BLNK: variants seen among roughly 807,000 people sequenced by gnomAD.
BLNK encodes the protein B-cell linker protein.
Under a neutral mutation model 73.5 loss-of-function variants are expected in BLNK, and 29 were observed. That is an observed-to-expected ratio of 0.39 (90% CI 0.29 to 0.54). The LOEUF (loss-of-function observed/expected upper bound fraction) is 0.54. BLNK is among the 20% of genes least tolerant of loss of function. The pLI, the probability that BLNK is intolerant of heterozygous loss-of-function variation, is 0.61. For missense variants in BLNK, 460 were observed against 562.8 expected (o/e 0.82, Z 1.85); for synonymous variants, 176 against 200.8 (o/e 0.88, Z 1.04).
chr10:96,246,856 G>A, intron 2 of BLNK, 128 bp downstream of exon 2: 1 of 666,698 alleles, frequency 1.5e-6, no homozygotes, highest in Non-Finnish European at 2.5e-6. Context: ...CCAGCCAATA[G>A]TAAAGAAGGG....
intron 13 of BLNK, among the ~76,000 whole-genome samples, chr10:96,202,963 G>A (rs782563115): frequency 2.0e-5 from 3 of 152,120 alleles, no homozygotes; most frequent in East Asian, 1.9e-4. Flanking sequence ...CCCTGCCTCC[G>A]TTACTCTCTG....
chr10:96,214,459 G>A (rs1281077312), intron 8 of BLNK, among the ~76,000 whole-genome samples: 1 of 152,170 alleles, frequency 6.6e-6, no homozygotes, highest in Non-Finnish European at 1.5e-5. Flanking sequence ...CCAAGAGGCA[G>A]GGGTATGGCT....
chr10:96,196,738 G>T (rs587731141), intron 16 of BLNK, among the ~76,000 whole-genome samples, 170 bp downstream of exon 16: 155 of 152,240 alleles, frequency 1.0e-3, no homozygotes, highest in Non-Finnish European at 1.9e-3. Context: ...GTTCTTATAG[G>T]ATATACTGCC....
chr10:96,204,017 G>C (rs963592131), intron 13 of BLNK, 40 bp downstream of exon 13: 2 of 1,578,854 alleles, frequency 1.3e-6, no homozygotes, highest in African/African-American at 1.3e-5. Flanking sequence ...ATCCAGCCTC[G>C]ACCACTCCCT....
rs538338328 is a variant in BLNK, at chr10:96,261,851, G to A, written c.47+9501C>T. On this transcript the variant is annotated intron_variant, in intron 1 of 16. Transcript: ENST00000224337. ...GTAGGGACATTAATACACTTTTTATGCTTAAAAAATTATTTTTCATAATGA... is the reference window on the plus strand; with the variant it reads ...GTAGGGACATTAATACACTTTTTATACTTAAAAAATTATTTTTCATAATGA... Among the ~76,000 whole-genome samples the A allele has an allele frequency of 4.4e-4, 67 of 152,110 alleles. 1 individual carries two copies. The highest frequency in any genetic ancestry group is 1.5e-3 in the African/African-American group (64 of 41,446).
chr10:96,209,182 A>T (rs1484355850), intron 9 of BLNK, among the ~76,000 whole-genome samples: 1 of 152,124 alleles, frequency 6.6e-6, no homozygotes, highest in Non-Finnish European at 1.5e-5. Context: ...TATGACCAGC[A>T]CATAGTATAT....
At chr10:96,254,499 G>GTT (rs113008211) in intron 1 of BLNK, among the ~76,000 whole-genome samples, 1 of 146,358 alleles carries the variant, frequency 6.8e-6, no homozygotes, top group African/African-American at 2.6e-5. Context: ...TCTTCAATGA[G>GTT]TTTTTTTTTT....
intron 15 of BLNK, 128 bp from the exon 16 acceptor site, chr10:96,197,191 T>G (rs956922601): frequency 1.2e-5 from 8 of 672,988 alleles, no homozygotes; most frequent in African/African-American, 1.8e-5. Context: ...TACATTATTT[T>G]TATTATTGAT....
rs111556528 is a variant in BLNK, at chr10:96,204,869, A to G, written c.818-253T>C. ...CTGCATTCATCCACTGGCAATGTAC[A>G]TAGAGACTGAACCCACGGGCCCTGA... On this transcript the variant is annotated intron_variant, in intron 11 of 16. Coordinates refer to ENST00000224337, the MANE Select transcript of BLNK (RefSeq NM_013314.4). The G allele has an allele frequency of 2.5e-3, 1,112 of 445,776 alleles. 10 individuals carry two copies. Among genetic ancestry groups the G allele is most frequent in the African/African-American group, 0.02 (976 of 49,852 alleles). 27.6% of individuals were successfully genotyped at this position (445,776 alleles called of 1,614,324 possible). A position where few individuals can be genotyped will look rare whatever the true frequency, so the allele number is the denominator to read the frequency against.
chr10:96,210,991 G>A (rs2083935393), intron 8 of BLNK, among the ~76,000 whole-genome samples: 2 of 150,270 alleles, frequency 1.3e-5, no homozygotes, highest in South Asian at 2.1e-4. Flanking sequence ...CCACTAAGTA[G>A]CTCCTGAGTA....
rs150495829 is a variant in BLNK, at chr10:96,189,698, AATCATCATCATC to A, written c.*2263_*2274del. ...TTTTCTTCAGTTTCCTCATCATCAA[AATCATCATCATC>A]ATCATCATCATCATCATCATCATCT... On this transcript the variant is annotated 3_prime_UTR_variant, in exon 17 of 17. Transcript: ENST00000224337. 92 of 655,558 alleles carry A rather than the reference AATCATCATCATC, an allele frequency of 1.4e-4. 2 individuals carry two copies. The highest frequency in any genetic ancestry group is 1.0e-3 in the South Asian group (69 of 68,036). The allele number at this position is 655,558 out of a possible 1,614,324, so 40.6% of individuals were successfully genotyped here.
intron 1 of BLNK, among the ~76,000 whole-genome samples, chr10:96,263,690 C>T (rs1432544835): frequency 6.6e-6 from 1 of 152,100 alleles, no homozygotes; most frequent in Non-Finnish European, 1.5e-5. Context: ...GGGGAGGGCT[C>T]TTTTCTTTTT....
chr10:96,196,187 C>T (rs2083460427), intron 16 of BLNK, among the ~76,000 whole-genome samples: 1 of 152,154 alleles, frequency 6.6e-6, no homozygotes, highest in South Asian at 2.1e-4. Context: ...TCCCATTTTT[C>T]TCCTTCTCCA....
At chr10:96,254,079 G>C (rs1198067965) in intron 1 of BLNK, among the ~76,000 whole-genome samples, 2 of 151,582 alleles carry the variant, frequency 1.3e-5, no homozygotes, top group Non-Finnish European at 2.9e-5. Flanking sequence ...GATTAGGCCA[G>C]GTTTATCCCC....
chr10:96,238,254 C>G (rs1487870288), intron 3 of BLNK, among the ~76,000 whole-genome samples: 2 of 152,228 alleles, frequency 1.3e-5, no homozygotes, highest in African/African-American at 2.4e-5. Context: ...GACTCTTTTA[C>G]TGACCTCCTG....
At position 96,210,026 on chromosome 10, in the gene BLNK, T is replaced by C. The variant is rs1021785870; in HGVS notation, c.677-119A>G. ...TTGCACATACTGTGTTGCTTTCAGT[T>C]AAGCACATATAGGTAGTTATATTGA... On this transcript the variant is annotated intron_variant, in intron 8 of 16. Transcript: ENST00000224337. 2.4e-5 allele frequency: 24 copies of C among 1,019,980 alleles called. No homozygotes were observed. The African/African-American group carries it at 3.3e-4, about 14-fold the overall frequency. The allele number at this position is 1,019,980 out of a possible 1,614,324, so 63.2% of individuals were successfully genotyped here.
At chr10:96,202,179 C>T (rs2083660821) in intron 13 of BLNK, among the ~76,000 whole-genome samples, 1 of 152,080 alleles carries the variant, frequency 6.6e-6, no homozygotes, top group Non-Finnish European at 1.5e-5. Flanking sequence ...TTGGTGGACC[C>T]TTAACATGAC....
chr10:96,189,355 AT>A lies in BLNK; in HGVS notation c.*2617del, dbSNP rs1164224443. On this transcript the variant is annotated 3_prime_UTR_variant, in exon 17 of 17. Coordinates refer to ENST00000224337, the MANE Select transcript of BLNK (RefSeq NM_013314.4). ...AAAATGTTAACAAATTGTTTAAACT[AT>A]TTTCTAAAGAGACTTCCTCCACTGC... 6 of 559,564 alleles carry A rather than the reference AT, an allele frequency of 1.1e-5. 1 individual carries two copies. Among genetic ancestry groups the A allele is most frequent in the African/African-American group, 9.4e-5 (5 of 52,994 alleles). The allele number at this position is 559,564 out of a possible 1,614,324, so 34.7% of individuals were successfully genotyped here. A position where few individuals can be genotyped will look rare whatever the true frequency, so the allele number is the denominator to read the frequency against.
Position 96,247,006 on chromosome 10 carries a change from C to T in BLNK, c.91G>A (p.Gly31Arg). The change falls in exon 2 of 17, where the codon GGA (glycine) becomes AGA (arginine). Residue 31 changes from glycine (G) to arginine (R), a missense_variant. Physicochemically the swap from Gly to Arg is moderately radical, Grantham distance 125 (BLOSUM62 -2). Coordinates refer to ENST00000224337, the MANE Select transcript of BLNK (RefSeq NM_013314.4). ...TACTTTTTGATTTTATTCATTATTCCACCTTCATTGTTTTTAATATCATGG... is the reference window on the plus strand; with the variant it reads ...TACTTTTTGATTTTATTCATTATTCTACCTTCATTGTTTTTAATATCATGG... ...MVHDIKNNEGGIMNKIKKLKV... is the reference protein window; with the variant it reads ...MVHDIKNNEGRIMNKIKKLKV... 6.2e-7 allele frequency: 1 copy of T among 1,606,204 alleles called. No homozygotes were observed. The highest frequency in any genetic ancestry group is 8.5e-7 in the Non-Finnish European group (1 of 1,175,320).
Sources: allele counts gnomAD v4.1 joint callset (sites outside exome capture counted in the v4.1 genomes callset), GRCh38; gene constraint gnomAD v4.1.1; transcripts MANE v1.5; gene names NCBI Gene and HGNC (gene_info 2026-07-23, HGNC 2026-07-21).